Variants in TFB1M observed in about 807,000 individuals in gnomAD.
TFB1M encodes the protein dimethyladenosine transferase 1, mitochondrial.
In TFB1M, 27 loss-of-function variants were observed where a neutral mutation model predicts 31.1. That is an observed-to-expected ratio of 0.87 (90% CI 0.64 to 1.20). The LOEUF (loss-of-function observed/expected upper bound fraction) is 1.20. TFB1M is among the 50% of genes most tolerant of loss of function. The pLI is 0.00. For synonymous variants in TFB1M, 166 were observed against 151.8 expected, an observed-to-expected ratio of 1.09 and a Z score of -0.69; for missense variants, 394 against 418.7, an observed-to-expected ratio of 0.94 and a Z score of 0.51.
intron 5 of TFB1M, among the ~76,000 whole-genome samples, chr6:155,273,749 G>A (rs1212816654): frequency 6.6e-6 from 1 of 152,164 alleles, no homozygotes; most frequent in African/African-American, 2.4e-5. Flanking sequence ...AGATCTGGAC[G>A]CTGCAGGTTG....
chr6:155,229,960 C>T, the TFB1M span, among the ~76,000 whole-genome samples: 1 of 152,054 alleles, frequency 6.6e-6, no homozygotes, highest in Non-Finnish European at 1.5e-5. Flanking sequence ...AACCCACCCC[C>T]ATGATTCAAT....
chr6:155,303,294 G>A (rs1777518770), intron 2 of TFB1M: 2 of 152,196 alleles, frequency 1.3e-5, no homozygotes, highest in African/African-American at 4.8e-5. Context: ...GATGACCTAG[G>A]GTTACTGTTG....
Position 155,285,269 on chromosome 6 carries a change from T to C in TFB1M, c.555A>G (p.Ala185=). The C allele has an allele frequency of 1.2e-6, 2 of 1,613,964 alleles. No individual in the cohort carries two copies. Among genetic ancestry groups the C allele is most frequent in the Non-Finnish European group, 1.7e-6 (2 of 1,179,876 alleles). Residue 185 remains alanine (A), a synonymous_variant, in exon 5 of 7, where the codon GCA becomes GCG. Transcript: ENST00000367166. ...TFQKEVAERL[A]ANTGSKQRSR... Reference sequence around the variant, plus strand: ...TACGCTGTTTGCTTCCTGTATTGGCTGCAAGTCTCTAGAGAGAGACAAAAA... The same window carrying C: ...TACGCTGTTTGCTTCCTGTATTGGCCGCAAGTCTCTAGAGAGAGACAAAAA...
the TFB1M span, among the ~76,000 whole-genome samples, chr6:155,234,547 C>T: frequency 6.6e-6 from 1 of 152,228 alleles, no homozygotes; most frequent in African/African-American, 2.4e-5. Flanking sequence ...GGACCATAGG[C>T]GTGTGCCACC....
intron 1 of TFB1M, among the ~76,000 whole-genome samples, chr6:155,312,398 T>C (rs1778054287): frequency 1.3e-5 from 2 of 152,194 alleles, no homozygotes; most frequent in South Asian, 2.1e-4. Flanking sequence ...TTCTCTTAAC[T>C]TTTCAGTTTC....
At chr6:155,300,625 G>A (rs1777383315) in intron 2 of TFB1M, among the ~76,000 whole-genome samples, 1 of 152,126 alleles carries the variant, frequency 6.6e-6, no homozygotes, top group East Asian at 1.9e-4. Flanking sequence ...TATATAGAAA[G>A]TATTTAATAA....
chr6:155,233,271 G>A, the TFB1M span, among the ~76,000 whole-genome samples: 6 of 152,330 alleles, frequency 3.9e-5, no homozygotes, highest in South Asian at 6.2e-4. Flanking sequence ...AGACAAAAGA[G>A]AATATCAAAG....
chr6:155,293,532 A>C (rs560032472), intron 4 of TFB1M, among the ~76,000 whole-genome samples: 1 of 152,216 alleles, frequency 6.6e-6, no homozygotes, highest in Non-Finnish European at 1.5e-5. Context: ...GATGATCCTT[A>C]GAACTGCGTA....
intron 2 of TFB1M, among the ~76,000 whole-genome samples, chr6:155,302,300 A>C (rs1191539240): frequency 6.6e-6 from 1 of 152,212 alleles, no homozygotes; most frequent in Non-Finnish European, 1.5e-5. Flanking sequence ...TGTTGAAATA[A>C]ATATTTGTAA....
chr6:155,240,477 A>T, the TFB1M span: 1 of 1,537,274 alleles, frequency 6.5e-7, no homozygotes, highest in Non-Finnish European at 8.8e-7. Flanking sequence ...GGGGCAGCGG[A>T]TACTATCAGG....
intron 2 of TFB1M, among the ~76,000 whole-genome samples, chr6:155,304,881 T>C (rs909621133): frequency 6.0e-5 from 9 of 151,154 alleles, no homozygotes; most frequent in African/African-American, 9.7e-5. Context: ...TATAGATAAA[T>C]AGAACAGAAT....
chr6:155,273,525 T>C (rs1785035497), intron 5 of TFB1M, among the ~76,000 whole-genome samples: 1 of 152,234 alleles, frequency 6.6e-6, no homozygotes, highest in Non-Finnish European at 1.5e-5. Flanking sequence ...AGCTGAGCCA[T>C]GTGGCCTATT....
chr6:155,275,637 C>T (rs1785154052), intron 5 of TFB1M: 1 of 1,365,798 alleles, frequency 7.3e-7, no homozygotes, highest in Non-Finnish European at 1.0e-6. Flanking sequence ...TGGTTCTCTA[C>T]TGCACAGAAA....
chr6:155,279,414 G>A (rs1424558819), intron 5 of TFB1M, among the ~76,000 whole-genome samples: 2 of 152,162 alleles, frequency 1.3e-5, no homozygotes, highest in African/African-American at 2.4e-5. Context: ...AGTTGTAAAG[G>A]TCTGGGGAGG....
downstream of TFB1M, chr6:155,253,857 C>A: frequency 2.8e-6 from 2 of 705,804 alleles, no homozygotes; most frequent in Non-Finnish European, 4.7e-6. Context: ...AGAAAATGAG[C>A]CAGGACTGGG....
intron 5 of TFB1M, chr6:155,276,358 C>G: frequency 6.2e-7 from 1 of 1,612,984 alleles, no homozygotes; most frequent in Non-Finnish European, 8.5e-7. Context: ...ATTCCACACA[C>G]AATCTGAAGG....
intron 4 of TFB1M, among the ~76,000 whole-genome samples, chr6:155,288,221 T>C (rs1045389154): frequency 3.9e-5 from 6 of 152,226 alleles, no homozygotes; most frequent in Non-Finnish European, 5.9e-5. Flanking sequence ...TCATACCTCT[T>C]CCCCATGACC....
Position 155,256,542 on chromosome 6 carries a change from G to C in TFB1M, c.*1294C>G. 1.2e-6 allele frequency: 2 copies of C among 1,614,196 alleles called. No homozygotes were observed. The highest frequency in any genetic ancestry group is 1.7e-6 in the Non-Finnish European group (2 of 1,180,048). On this transcript the variant is annotated 3_prime_UTR_variant, in exon 7 of 7. Coordinates refer to ENST00000367166, the MANE Select transcript of TFB1M (RefSeq NM_016020.4). ...CCTCCAGCAACGAGTGGACCGGTGA[G>C]ACTGGCAAGGGAACCTTGCTGGACT... is the stretch of plus-strand genomic sequence containing the variant.
In TFB1M at chr6:155,257,165, T is replaced by C; in HGVS notation, c.*671A>G. 3 of 1,392,312 alleles carry C rather than the reference T, an allele frequency of 2.2e-6. No individual in the cohort carries two copies. The highest frequency in any genetic ancestry group is 3.0e-6 in the Non-Finnish European group (3 of 1,005,646). 86.2% of individuals were successfully genotyped at this position (1,392,312 alleles called of 1,614,324 possible). On this transcript the variant is annotated 3_prime_UTR_variant, in exon 7 of 7. Coordinates refer to ENST00000367166, the MANE Select transcript of TFB1M (RefSeq NM_016020.4). Reference sequence around the variant, plus strand: ...TGGGTTAAATTCCTCATTTTACTTTTAAACTGGTGGTAAAGTGGAAATTGC... The same window carrying C: ...TGGGTTAAATTCCTCATTTTACTTTCAAACTGGTGGTAAAGTGGAAATTGC...
Sources: allele counts gnomAD v4.1 joint callset (sites outside exome capture counted in the v4.1 genomes callset), GRCh38; gene constraint gnomAD v4.1.1; transcripts MANE v1.5; gene names NCBI Gene and HGNC (gene_info 2026-07-23, HGNC 2026-07-21).